MAP2K4: variants seen among roughly 807,000 people sequenced by gnomAD.
The protein encoded by MAP2K4 is mitogen-activated protein kinase kinase 4, also known as dual specificity mitogen-activated protein kinase kinase 4.
Under a neutral mutation model 48.5 loss-of-function variants are expected in MAP2K4, and 4 were observed. That is an observed-to-expected ratio of 0.08 (90% CI 0.04 to 0.19). The LOEUF (loss-of-function observed/expected upper bound fraction) is 0.19. Among genes scored for constraint, MAP2K4 ranks in the 10% least tolerant of loss-of-function variants. The pLI is 1.00. For synonymous variants in MAP2K4, 166 were observed against 173.1 expected (o/e 0.96, Z 0.32); for missense variants, 258 against 493.3 (o/e 0.52, Z 4.52).
chr17:12,096,483 C>A (rs1412137589), intron 4 of MAP2K4, among the ~76,000 whole-genome samples: 1 of 152,118 alleles, frequency 6.6e-6, no homozygotes, highest in East Asian at 1.9e-4. Flanking sequence ...AGACCGCCAT[C>A]AAAAATTGTG....
chr17:12,103,719 C>T (rs906765244), intron 4 of MAP2K4, among the ~76,000 whole-genome samples: 4 of 152,076 alleles, frequency 2.6e-5, no homozygotes, highest in African/African-American at 2.4e-5. Flanking sequence ...TACATAATAT[C>T]GCTTTATGTA....
intron 6 of MAP2K4, 102 bp from the exon 7 acceptor site, chr17:12,113,131 A>C: frequency 1.0e-6 from 1 of 970,524 alleles, no homozygotes; most frequent in Non-Finnish European, 1.5e-6. Context: ...GGACTTGACC[A>C]CTTATGTTGT....
chr17:12,084,197 C>T (rs1971284951), intron 3 of MAP2K4, among the ~76,000 whole-genome samples: 1 of 151,976 alleles, frequency 6.6e-6, no homozygotes, highest in Non-Finnish European at 1.5e-5. Flanking sequence ...GTTAATTACC[C>T]CAAAGACTTA....
intron 2 of MAP2K4, among the ~76,000 whole-genome samples, chr17:12,073,503 T>G (rs1193039772): frequency 6.6e-6 from 1 of 152,192 alleles, no homozygotes; most frequent in East Asian, 1.9e-4. Flanking sequence ...ATACTAAGCC[T>G]TAGATATCTC....
In MAP2K4 at chr17:12,110,443, A is replaced by AT; in HGVS notation, c.685+23dup. On this transcript the variant is annotated intron_variant, in intron 6 of 10. Transcript: ENST00000353533. ...TTCACAGAGGTGGGTATGGATTGGT[A>AT]TTTTTTGTAATAGAAATTAACTTTT... is the stretch of plus-strand genomic sequence containing the variant. The AT allele has an allele frequency of 1.3e-6, 2 of 1,565,378 alleles. No individual in the cohort carries two copies. Among genetic ancestry groups the AT allele is most frequent in the Middle Eastern group, 1.7e-4 (1 of 5,966 alleles).
At chr17:12,055,163 A>G (rs1970246567) in intron 2 of MAP2K4, among the ~76,000 whole-genome samples, 172 bp downstream of exon 2, 1 of 152,106 alleles carries the variant, frequency 6.6e-6, no homozygotes, top group African/African-American at 2.4e-5. Flanking sequence ...AGTTGCATTT[A>G]GGAAATTTGA....
intron 9 of MAP2K4, among the ~76,000 whole-genome samples, chr17:12,134,545 G>T (rs149011372): frequency 2.0e-5 from 3 of 152,156 alleles, no homozygotes; most frequent in African/African-American, 7.2e-5. Flanking sequence ...GAGGTAAATG[G>T]TAAGAGAGAA....
At chr17:12,079,800 T>C (rs1359129312) in intron 2 of MAP2K4, among the ~76,000 whole-genome samples, 1 of 152,194 alleles carries the variant, frequency 6.6e-6, no homozygotes, top group African/African-American at 2.4e-5. Flanking sequence ...GTCTACTTCA[T>C]GAAAAAGATT....
chr17:12,118,492 A>G (rs1250592804), intron 7 of MAP2K4, among the ~76,000 whole-genome samples: 1 of 152,156 alleles, frequency 6.6e-6, no homozygotes, highest in East Asian at 1.9e-4. Context: ...AACATTTTGT[A>G]CCAGTGCCTT....
intron 4 of MAP2K4, among the ~76,000 whole-genome samples, chr17:12,104,838 G>A (rs1972054913): frequency 6.6e-6 from 1 of 152,016 alleles, no homozygotes; most frequent in African/African-American, 2.4e-5. Context: ...AAGTCATGGA[G>A]AACTCTTAGA....
chr17:12,072,157 A>G (rs747758654), intron 2 of MAP2K4, among the ~76,000 whole-genome samples: 18 of 152,234 alleles, frequency 1.2e-4, no homozygotes, highest in Non-Finnish European at 2.6e-4. Flanking sequence ...GAAGAATTAA[A>G]TAGAAATGGT....
At chr17:12,085,684 T>C (rs949967910) in intron 3 of MAP2K4, among the ~76,000 whole-genome samples, 4 of 152,062 alleles carry the variant, frequency 2.6e-5, no homozygotes, top group African/African-American at 4.8e-5. Context: ...ATTTTGACTT[T>C]AGTGTCCTTG....
chr17:12,036,112 A>G (rs758653595), intron 1 of MAP2K4, among the ~76,000 whole-genome samples: 10 of 152,214 alleles, frequency 6.6e-5, no homozygotes, highest in Admixed American at 2.0e-4. Flanking sequence ...GCATTTATCT[A>G]TTCTTCAGTT....
At chr17:12,071,841 A>G (rs1970820817) in intron 2 of MAP2K4, among the ~76,000 whole-genome samples, 3 of 152,064 alleles carry the variant, frequency 2.0e-5, no homozygotes, top group Admixed American at 6.6e-5. Context: ...GGAGTATACA[A>G]ACTATTGGCC....
rs1428400728 is a variant in MAP2K4 at position 12,129,032 on chromosome 17, G to A, written c.892-107G>A. 9.0e-6 allele frequency: 9 copies of A among 997,114 alleles called. No individual in the cohort carries two copies. The East Asian group carries it at 2.0e-4, about 22-fold the overall frequency. The allele number at this position is 997,114 out of a possible 1,614,324, so 61.8% of individuals were successfully genotyped here. A position where few individuals can be genotyped will look rare whatever the true frequency, so the allele number is the denominator to read the frequency against. ...CAAGCTAACCTGTGTTTAATTCAAG[G>A]CTTTACTAGAGTTTTGCTTGTAGTT... On this transcript the variant is annotated intron_variant, in intron 8 of 10. Coordinates refer to ENST00000353533, the MANE Select transcript of MAP2K4 (RefSeq NM_003010.4).
At chr17:12,118,664 G>A (rs1348898017) in intron 7 of MAP2K4, among the ~76,000 whole-genome samples, 1 of 152,188 alleles carries the variant, frequency 6.6e-6, no homozygotes, top group Non-Finnish European at 1.5e-5. Flanking sequence ...ATGTGACCAG[G>A]ATATCCTTAG....
intron 1 of MAP2K4, among the ~76,000 whole-genome samples, chr17:12,035,922 T>C (rs1969580981): frequency 6.6e-6 from 1 of 152,228 alleles, no homozygotes; most frequent in Non-Finnish European, 1.5e-5. Context: ...TGTCACTCTC[T>C]TTTAATCACT....
chr17:12,130,826 C>T (rs1972997459), intron 9 of MAP2K4, among the ~76,000 whole-genome samples: 6 of 152,198 alleles, frequency 3.9e-5, no homozygotes, highest in Admixed American at 3.3e-4. Context: ...TCAGATTTCT[C>T]ATAATCCAAT....
chr17:12,099,981 T>A (rs929817016), intron 4 of MAP2K4, among the ~76,000 whole-genome samples: 3 of 152,276 alleles, frequency 2.0e-5, no homozygotes, highest in Middle Eastern at 3.4e-3. Flanking sequence ...CTGAAGCAAG[T>A]TACCTCCCCC....
Sources: allele counts gnomAD v4.1 joint callset (sites outside exome capture counted in the v4.1 genomes callset), GRCh38; gene constraint gnomAD v4.1.1; transcripts MANE v1.5; gene names NCBI Gene and HGNC (gene_info 2026-07-23, HGNC 2026-07-21).